The following PLS3 variants were observed in gnomAD, a reference collection of about 807,000 sequenced individuals.
PLS3 encodes plastin-3.
A neutral mutation model predicts 46.5 loss-of-function variants in PLS3; 11 were observed. The observed-to-expected ratio is 0.24, with a 90% CI of 0.15 to 0.39. The LOEUF (loss-of-function observed/expected upper bound fraction) is 0.39. PLS3 is among the 10% of genes least tolerant of loss of function. The pLI is 1.00. For missense variants in PLS3, 308 were observed against 461.8 expected, an observed-to-expected ratio of 0.67 and a Z score of 3.05; for synonymous variants, 167 against 162.2, an observed-to-expected ratio of 1.03 and a Z score of -0.22.
intron 3 of PLS3, among the ~76,000 whole-genome samples, chrX:115,627,954 A>G (rs7888199): frequency 0.021 from 2,391 of 112,330 alleles, 68 homozygotes; most frequent in African/African-American, 0.074. Context: ...AACAGGAAAA[A>G]ATGACTAAGT....
chrX:115,611,005 C>T (rs2074543114), intron 2 of PLS3: 1 of 480,340 alleles, frequency 2.1e-6, no homozygotes, highest in African/African-American at 2.4e-5. Context: ...TGAGAACAGC[C>T]TACTTATGTA....
At chrX:115,562,218 C>T (rs183509877) in intron 1 of PLS3, among the ~76,000 whole-genome samples, 3 of 111,557 alleles carry the variant, frequency 2.7e-5, no homozygotes, top group East Asian at 2.9e-4. Flanking sequence ...ATGAGAGGCC[C>T]GGGGACGCCG....
intron 1 of PLS3, among the ~76,000 whole-genome samples, chrX:115,566,423 C>T (rs1158411279): frequency 6.7e-5 from 5 of 74,765 alleles, no homozygotes; most frequent in African/African-American, 2.5e-4. Context: ...CTTGCTTTGT[C>T]GCCCAGGCTG....
In PLS3 at chrX:115,649,742, C is replaced by G. The variant is rs1333359067; in HGVS notation, c.*181C>G. ...GGAAAGGGTTTAAGAAAAACAACTC[C>G]TCTTTCCCATAGTCAGAGTTGAATT... On this transcript the variant is annotated 3_prime_UTR_variant, in exon 16 of 16. Transcript: ENST00000355899. The G allele has an allele frequency of 8.4e-6, 3 of 355,519 alleles. No individual in the cohort carries two copies. Among genetic ancestry groups the G allele is most frequent in the African/African-American group, 5.0e-5 (2 of 39,624 alleles). 29.3% of individuals were successfully genotyped at this position (355,519 alleles called of 1,213,427 possible). A position where few individuals can be genotyped will look rare whatever the true frequency, so the allele number is the denominator to read the frequency against.
In PLS3 at chrX:115,585,723, A is replaced by G. The variant is rs1262978705; in HGVS notation, c.-9+24463A>G. Among the ~76,000 whole-genome samples the G allele has an allele frequency of 1.2e-4, 13 of 111,200 alleles. No homozygotes were observed. The Admixed American group carries it at 1.3e-3, about 11-fold the overall frequency. On this transcript the variant is annotated intron_variant, in intron 1 of 15. Coordinates refer to ENST00000355899, the MANE Select transcript of PLS3 (RefSeq NM_005032.7). ...TATTTTTATGGAATTATTCAAATAC[A>G]TAATGTAAAATAGCATTAAAAACCC...
intron 5 of PLS3, among the ~76,000 whole-genome samples, chrX:115,631,117 C>T (rs183589899): frequency 0.024 from 2,447 of 104,026 alleles, 77 homozygotes; most frequent in African/African-American, 0.081. Flanking sequence ...AGTGCAATGG[C>T]GCAATTTTGG....
chrX:115,591,154 C>G (rs2147442558), intron 1 of PLS3, among the ~76,000 whole-genome samples: 1 of 112,373 alleles, frequency 8.9e-6, no homozygotes, highest in East Asian at 2.8e-4. Context: ...AAAAACAAAC[C>G]AAAACTGTCT....
chrX:115,619,964 TG>T (rs1183797483), intron 2 of PLS3, among the ~76,000 whole-genome samples: 2 of 112,833 alleles, frequency 1.8e-5, no homozygotes, highest in Admixed American at 9.3e-5. Flanking sequence ...TAAAATAGAC[TG>T]CATTAAAACT....
At chrX:115,581,744 A>C (rs1440305547) in intron 1 of PLS3, among the ~76,000 whole-genome samples, 1 of 112,589 alleles carries the variant, frequency 8.9e-6, no homozygotes, top group Non-Finnish European at 1.9e-5. Flanking sequence ...TTTATTCTTT[A>C]ATAAAGTGTA....
chrX:115,647,217 G>A (rs1382748172), intron 13 of PLS3, among the ~76,000 whole-genome samples: 2 of 111,348 alleles, frequency 1.8e-5, no homozygotes, highest in Admixed American at 9.6e-5. Context: ...GGTGGATCAC[G>A]AGGTCAGGAG....
intron 4 of PLS3, 150 bp from the exon 5 acceptor site, chrX:115,629,685 C>T: frequency 2.4e-6 from 1 of 409,904 alleles, no homozygotes; most frequent in Non-Finnish European, 4.2e-6. Context: ...CACTGTGTTG[C>T]ATCCAAGTGT....
In PLS3 at chrX:115,647,950, G is replaced by C; in HGVS notation, c.1693G>C (p.Gly565Arg). ...GGATTTAATTGATGCCATCCAGCCA[G>C]GCTGTATAAACTATGACCTTGTGAA... ...VVDLIDAIQP[G>R]CINYDLVKSG... Residue 565 changes from glycine (G) to arginine (R), a missense_variant, in exon 15 of 16, where the codon GGC becomes CGC. By Grantham distance (125) the Gly-to-Arg change is moderately radical. Transcript: ENST00000355899. The C allele has an allele frequency of 8.3e-7, 1 of 1,208,658 alleles. No individual in the cohort carries two copies. Among genetic ancestry groups the C allele is most frequent in the Non-Finnish European group, 1.1e-6 (1 of 892,613 alleles).
intron 2 of PLS3, among the ~76,000 whole-genome samples, chrX:115,616,864 TGACTC>T: frequency 8.9e-6 from 1 of 111,758 alleles, no homozygotes; most frequent in Middle Eastern, 4.7e-3. Flanking sequence ...TTGATAAAAT[TGACTC>T]TAACTAACAC....
intron 3 of PLS3, among the ~76,000 whole-genome samples, chrX:115,625,923 G>C (rs73638912): frequency 0.028 from 3,173 of 112,074 alleles, 113 homozygotes; most frequent in African/African-American, 0.098. Flanking sequence ...ATTCCATAAC[G>C]GAGACTGAAA....
At chrX:115,642,458 C>T (rs1342831528) in intron 9 of PLS3, among the ~76,000 whole-genome samples, 1 of 111,439 alleles carries the variant, frequency 9.0e-6, no homozygotes, top group Non-Finnish European at 1.9e-5. Context: ...TCTGTCTTCT[C>T]CCTCAGCCAG....
chrX:115,606,897 G>A (rs112979640), intron 1 of PLS3, among the ~76,000 whole-genome samples: 4,346 of 110,436 alleles, frequency 0.039, 216 homozygotes, highest in African/African-American at 0.14. Flanking sequence ...TGAACTCTTG[G>A]CCTCAAGCAA....
At chrX:115,564,659 A>G (rs1556629923) in intron 1 of PLS3, among the ~76,000 whole-genome samples, 1 of 112,477 alleles carries the variant, frequency 8.9e-6, no homozygotes, top group Admixed American at 9.4e-5. Context: ...TTTTCATGAA[A>G]TGTACTGACA....
chrX:115,639,677 G>A (rs781858969), intron 8 of PLS3: 314 of 325,588 alleles, frequency 9.6e-4, no homozygotes, highest in Non-Finnish European at 1.6e-3. Flanking sequence ...CTTGACACGT[G>A]TGTAAAGGTT....
At chrX:115,617,865 A>T in intron 2 of PLS3, among the ~76,000 whole-genome samples, 1 of 111,936 alleles carries the variant, frequency 8.9e-6, no homozygotes, top group Non-Finnish European at 1.9e-5. Flanking sequence ...TGTTCAAGAG[A>T]GGTTATTTCA....
Sources: gnomAD v4.1 joint callset for allele counts (sites outside exome capture counted in the v4.1 genomes callset) on GRCh38, gnomAD v4.1.1 for gene constraint, MANE v1.5 for transcripts, NCBI Gene and HGNC (gene_info 2026-07-23, HGNC 2026-07-21) for gene names.